The following GRWD1 variants were observed in gnomAD, a reference collection of about 807,000 sequenced individuals.
The protein encoded by GRWD1 is glutamate-rich WD repeat-containing protein 1.
A neutral mutation model predicts 45.3 loss-of-function variants in GRWD1; 29 were observed. The ratio of observed to expected loss-of-function variants is 0.64; its 90% CI spans 0.48 to 0.87. The LOEUF is 0.87. Among genes scored for constraint, GRWD1 ranks in the 40% least tolerant of loss-of-function variants. The pLI is 0.00. For missense variants in GRWD1, 592 were observed against 618.8 expected (o/e 0.96, Z 0.46); for synonymous variants, 262 against 257.6 (o/e 1.02, Z -0.16).
In GRWD1 at chr19:48,456,220, G is replaced by A. The variant is rs1433238934; in HGVS notation, c.*3195G>A. On this transcript the variant is annotated 3_prime_UTR_variant, in exon 7 of 7. Coordinates refer to ENST00000253237, the MANE Select transcript of GRWD1 (RefSeq NM_031485.4). ...TGCCCACCTGCCCCCCCAGCCCACG[G>A]GGGTGGTTCCTGAGGGTGGAGTCAG... 6.6e-6 allele frequency: 1 copy of A among 152,354 alleles called. No individual in the cohort carries two copies. The highest frequency in any genetic ancestry group is 1.5e-5 in the Non-Finnish European group (1 of 68,192). The allele number at this position is 152,354 out of a possible 1,614,324, so 9.4% of individuals were successfully genotyped here.
chr19:48,448,678 A>G (rs1477375302), intron 3 of GRWD1, among the ~76,000 whole-genome samples: 1 of 152,228 alleles, frequency 6.6e-6, no homozygotes, highest in African/African-American at 2.4e-5. Context: ...TGAACCCTGT[A>G]AAAGAATTTG....
Position 48,452,378 on chromosome 19 carries a change from G to A in GRWD1, c.1024-330G>A, listed in dbSNP as rs962641222. ...CTCCCAAGGTGCTGAGATTACAGTC[G>A]TGAGCCACCGCACCCAGCCCATGCC... On this transcript the variant is annotated intron_variant, in intron 6 of 6. Coordinates refer to ENST00000253237, the MANE Select transcript of GRWD1 (RefSeq NM_031485.4). This position sits in a 1 kb window ranked among gnomAD's most constrained non-coding sequence, Gnocchi z 5.1. Among the ~76,000 whole-genome samples, 19 of 151,976 alleles carry A rather than the reference G, an allele frequency of 1.3e-4. No individual in the cohort carries two copies. The highest frequency in any genetic ancestry group is 1.2e-3 in the Admixed American group (18 of 15,268).
Position 48,450,535 on chromosome 19 carries a change from C to T in GRWD1, c.682+9C>T, listed in dbSNP as rs773877709. 19 of 1,613,820 alleles carry T rather than the reference C, an allele frequency of 1.2e-5. No homozygotes were observed. In the East Asian group the frequency reaches 3.6e-4, roughly 30 times the overall value. On this transcript the variant is annotated intron_variant, in intron 4 of 6. Coordinates refer to ENST00000253237, the MANE Select transcript of GRWD1 (RefSeq NM_031485.4). The surrounding 1 kb of genome is among the most constrained non-coding windows in gnomAD (Gnocchi z 5.1). ...GTCCCCCCGGGTGACCGGTGAGTCCCTGGGGTGTTCAGGAGTCCCGGGAGG... is the reference window on the plus strand; with the variant it reads ...GTCCCCCCGGGTGACCGGTGAGTCCTTGGGGTGTTCAGGAGTCCCGGGAGG...
In GRWD1 at chr19:48,452,965, A is replaced by G. The variant is rs760601763; in HGVS notation, c.1281A>G (p.Pro427=). 3.1e-6 allele frequency: 5 copies of G among 1,611,166 alleles called. No homozygotes were observed. Among genetic ancestry groups the G allele is most frequent in the Non-Finnish European group, 3.4e-6 (4 of 1,179,012 alleles). ...LKELHWHPQC[P]GLLVSTALSG... ...AGCTGCACTGGCACCCGCAGTGCCC[A>G]GGGCTCCTGGTCAGCACGGCGCTGT... Residue 427 remains proline, a synonymous_variant, in exon 7 of 7, where the codon CCA becomes CCG. Transcript: ENST00000253237. This position sits in a 1 kb window ranked among gnomAD's most constrained non-coding sequence, Gnocchi z 5.1.
rs1264544111 is a variant in GRWD1, at chr19:48,446,131, C to T, written c.126C>T (p.Arg42=). 7 of 1,607,448 alleles carry T rather than the reference C, an allele frequency of 4.4e-6. No individual in the cohort carries two copies. The highest frequency in any genetic ancestry group is 1.3e-5 in the African/African-American group (1 of 74,692). The change falls in exon 1 of 7, where the codon CGC becomes CGT. Residue 42 remains arginine (R), a synonymous_variant. Coordinates refer to ENST00000253237, the MANE Select transcript of GRWD1 (RefSeq NM_031485.4). ...VYLPGRGPPL[R]EGEELVMDEE... ...TGCCCGGCCGGGGGCCGCCGCTACGCGAAGGGGAGGAGCTGGTCATGGACG... is the reference window on the plus strand; with the variant it reads ...TGCCCGGCCGGGGGCCGCCGCTACGTGAAGGGGAGGAGCTGGTCATGGACG...
intron 3 of GRWD1, among the ~76,000 whole-genome samples, chr19:48,447,560 A>G (rs1384408225): frequency 6.6e-6 from 1 of 152,010 alleles, no homozygotes; most frequent in Non-Finnish European, 1.5e-5. Flanking sequence ...TATTTTTAGT[A>G]GAGACAAGGT....
In GRWD1 at chr19:48,450,538, G is replaced by GGGT; in HGVS notation, c.682+14_682+16dup. 6.2e-7 allele frequency: 1 copy of GGGT among 1,613,808 alleles called. No individual in the cohort carries two copies. Among genetic ancestry groups the GGGT allele is most frequent in the Non-Finnish European group, 8.5e-7 (1 of 1,179,834 alleles). On this transcript the variant is annotated intron_variant, in intron 4 of 6. Coordinates refer to ENST00000253237, the MANE Select transcript of GRWD1 (RefSeq NM_031485.4). This position sits in a 1 kb window ranked among gnomAD's most constrained non-coding sequence, Gnocchi z 5.1. ...CCCCCGGGTGACCGGTGAGTCCCTG[G>GGGT]GGTGTTCAGGAGTCCCGGGAGGTCG...
In GRWD1 at chr19:48,451,195, T is replaced by C. The variant is rs1180913607; in HGVS notation, c.987T>C (p.Asp329=). 1 of 1,608,868 alleles carries C rather than the reference T, an allele frequency of 6.2e-7. No homozygotes were observed. Among genetic ancestry groups the C allele is most frequent in the Non-Finnish European group, 8.5e-7 (1 of 1,176,416 alleles). The part of the protein sequence containing the change: ...REPFLLSGGD[D]GALKIWDLRQ... The stretch of plus-strand genomic sequence containing the variant: ...CCTTCCTGCTCAGTGGCGGGGATGA[T>C]GGGGCCCTCAAGATCTGGGACCTTC... Residue 329 remains aspartate (D), a synonymous_variant, in exon 6 of 7, where the codon GAT becomes GAC. Coordinates refer to ENST00000253237, the MANE Select transcript of GRWD1 (RefSeq NM_031485.4).
At position 48,446,088 on chromosome 19, in the gene GRWD1, G is replaced by A. The variant is rs758376977; in HGVS notation, c.83G>A (p.Gly28Asp). Reference protein sequence around the residue: ...EAESGDTSSEGPAQVYLPGRG... With the variant: ...EAESGDTSSEDPAQVYLPGRG... Reference sequence around the variant, plus strand: ...GAGTCCGGCGACACAAGTTCCGAGGGCCCGGCCCAGGTCTACCTGCCCGGC... The same window carrying A: ...GAGTCCGGCGACACAAGTTCCGAGGACCCGGCCCAGGTCTACCTGCCCGGC... The change falls in exon 1 of 7, where the codon GGC (glycine) becomes GAC (aspartate). Residue 28 changes from glycine to aspartate, a missense_variant. Coordinates refer to ENST00000253237, the MANE Select transcript of GRWD1 (RefSeq NM_031485.4). 3 of 1,595,326 alleles carry A rather than the reference G, an allele frequency of 1.9e-6. 1 individual carries two copies. The East Asian group carries it at 6.8e-5, about 36-fold the overall frequency.
chr19:48,450,615 A>C lies in GRWD1; in HGVS notation c.683-51A>C. 3 of 1,609,794 alleles carry C rather than the reference A, an allele frequency of 1.9e-6. No homozygotes were observed. Among genetic ancestry groups the C allele is most frequent in the Non-Finnish European group, 2.5e-6 (3 of 1,177,478 alleles). ...CGGGCGCTTAGACTCCAAGGAGGGG[A>C]GCGAGCTGCGGCCAGGTGGGGCGAG... On this transcript the variant is annotated intron_variant, in intron 4 of 6. Coordinates refer to ENST00000253237, the MANE Select transcript of GRWD1 (RefSeq NM_031485.4). The surrounding 1 kb of genome is among the most constrained non-coding windows in gnomAD (Gnocchi z 5.1).
chr19:48,449,908 C>G (rs113138127), intron 3 of GRWD1, among the ~76,000 whole-genome samples: 1 of 152,266 alleles, frequency 6.6e-6, no homozygotes, highest in African/African-American at 2.4e-5. Context: ...AACCTCGTGG[C>G]TGGACTGGGT....
Position 48,446,408 on chromosome 19 carries a change from A to C in GRWD1, c.211A>C (p.Ile71Leu), listed in dbSNP as rs761824697. 3 of 1,614,194 alleles carry C rather than the reference A, an allele frequency of 1.9e-6. No individual in the cohort carries two copies. The highest frequency in any genetic ancestry group is 1.1e-5 in the South Asian group (1 of 91,086). ...AGGCGCCCCCTGTCTCAGCTTTGAC[A>C]TAGTCCGGGATCACCTGGGAGACAA... is the stretch of plus-strand genomic sequence containing the variant. ...QTGAPCLSFDIVRDHLGDNRT... is the reference protein window; with the variant it reads ...QTGAPCLSFDLVRDHLGDNRT... Residue 71 changes from isoleucine to leucine, a missense_variant, in exon 2 of 7, where the codon ATA becomes CTA. By Grantham distance (5) the Ile-to-Leu change is conservative. Coordinates refer to ENST00000253237, the MANE Select transcript of GRWD1 (RefSeq NM_031485.4).
In GRWD1 at chr19:48,456,480, A is replaced by G. The variant is rs1219571083; in HGVS notation, c.*3455A>G. On this transcript the variant is annotated 3_prime_UTR_variant, in exon 7 of 7. Coordinates refer to ENST00000253237, the MANE Select transcript of GRWD1 (RefSeq NM_031485.4). The stretch of plus-strand genomic sequence containing the variant: ...AGCCTTGCCTCTGTCAAGTGGGCCT[A>G]ATGAACCCTCGCGAATGGCCAGGCT... The G allele has an allele frequency of 6.6e-6, 1 of 152,206 alleles. No homozygotes were observed. Among genetic ancestry groups the G allele is most frequent in the Non-Finnish European group, 1.5e-5 (1 of 68,052 alleles). 9.4% of individuals were successfully genotyped at this position (152,206 alleles called of 1,614,324 possible).
In GRWD1 at chr19:48,446,718, A is replaced by G. The variant is rs192256530; in HGVS notation, c.343A>G (p.Lys115Glu). 1.2e-6 allele frequency: 2 copies of G among 1,611,046 alleles called. No homozygotes were observed. The highest frequency in any genetic ancestry group is 1.7e-5 in the Admixed American group (1 of 59,380). Reference sequence around the variant, plus strand: ...TCGGATGCACAATCTGCATGGGACAAAGCCCCCACCCTCAGAGGGCAGTGA... The same window carrying G: ...TCGGATGCACAATCTGCATGGGACAGAGCCCCCACCCTCAGAGGGCAGTGA... ...MLRMHNLHGT[K>E]PPPSEGSDEE... Residue 115 changes from lysine to glutamate, a missense_variant, in exon 3 of 7, where the codon AAG (lysine) becomes GAG (glutamate). Lys to Glu is a moderately conservative substitution (Grantham distance 56). Coordinates refer to ENST00000253237, the MANE Select transcript of GRWD1 (RefSeq NM_031485.4).
At chr19:48,446,565 G>A in intron 2 of GRWD1, 63 bp downstream of exon 2, 2 of 1,582,840 alleles carry the variant, frequency 1.3e-6, no homozygotes, top group Non-Finnish European at 8.7e-7. Flanking sequence ...TCAGCACCCA[G>A]GAGTTAGGGC....
chr19:48,450,490 G>A lies in GRWD1; in HGVS notation c.646G>A (p.Glu216Lys), dbSNP rs1971458942. The change falls in exon 4 of 7, where the codon GAG becomes AAG. Residue 216 changes from glutamate to lysine, a missense_variant. Transcript: ENST00000253237. This position sits in a 1 kb window ranked among gnomAD's most constrained non-coding sequence, Gnocchi z 5.1. ...CTTCTCCTTCGCTGGACACATGGGC[G>A]AGGGCTTTGCCCTTGACTGGTCCCC... Reference protein sequence around the residue: ...PIFSFAGHMGEGFALDWSPRV... With the variant: ...PIFSFAGHMGKGFALDWSPRV... The A allele has an allele frequency of 5.0e-6, 8 of 1,614,170 alleles. No individual in the cohort carries two copies. Among genetic ancestry groups the A allele is most frequent in the Non-Finnish European group, 5.9e-6 (7 of 1,180,028 alleles).
chr19:48,450,256 C>A lies in GRWD1; in HGVS notation c.469-57C>A. ...GGATATGGGGAGCGTGGGGTCAGTGCCTTGATCCTCCTCTCCCCTCGCTTC... is the reference window on the plus strand; with the variant it reads ...GGATATGGGGAGCGTGGGGTCAGTGACTTGATCCTCCTCTCCCCTCGCTTC... On this transcript the variant is annotated intron_variant, in intron 3 of 6. Transcript: ENST00000253237. This position sits in a 1 kb window ranked among gnomAD's most constrained non-coding sequence, Gnocchi z 5.1. The A allele has an allele frequency of 7.1e-7, 1 of 1,403,370 alleles. No individual in the cohort carries two copies. The highest frequency in any genetic ancestry group is 9.9e-7 in the Non-Finnish European group (1 of 1,013,266). 86.9% of individuals were successfully genotyped at this position (1,403,370 alleles called of 1,614,324 possible).
Position 48,450,196 on chromosome 19 carries a change from TG to T in GRWD1, c.469-114del. On this transcript the variant is annotated intron_variant, in intron 3 of 6. Coordinates refer to ENST00000253237, the MANE Select transcript of GRWD1 (RefSeq NM_031485.4). The surrounding 1 kb of genome is among the most constrained non-coding windows in gnomAD (Gnocchi z 5.1). The stretch of plus-strand genomic sequence containing the variant: ...TTTCAAGGAGCTGTAGTCCCAGGCC[TG>T]GGAGATCTGAGGAAGCGCACTTCTG... The T allele has an allele frequency of 2.7e-6, 2 of 753,654 alleles. No homozygotes were observed. The highest frequency in any genetic ancestry group is 3.2e-5 in the South Asian group (2 of 62,876). The allele number at this position is 753,654 out of a possible 1,614,324, so 46.7% of individuals were successfully genotyped here.
At position 48,456,302 on chromosome 19, in the gene GRWD1, A is replaced by T. The variant is rs570635266; in HGVS notation, c.*3277A>T. The T allele has an allele frequency of 6.6e-6, 1 of 152,046 alleles. No homozygotes were observed. The highest frequency in any genetic ancestry group is 2.4e-5 in the African/African-American group (1 of 41,368). The allele number at this position is 152,046 out of a possible 1,614,324, so 9.4% of individuals were successfully genotyped here. On this transcript the variant is annotated 3_prime_UTR_variant, in exon 7 of 7. Transcript: ENST00000253237. ...CTGCAGGTGTAGATGCTGCATCCTG[A>T]TGTTGACCTCCAGGCCGCCCCCTTG...
Sources: gnomAD v4.1 joint callset for allele counts (sites outside exome capture counted in the v4.1 genomes callset) on GRCh38, gnomAD v4.1.1 for gene constraint, Gnocchi (gnomAD v3.1) non-coding constraint, MANE v1.5 for transcripts, NCBI Gene and HGNC (gene_info 2026-07-23, HGNC 2026-07-21) for gene names.